Variants in PIP4K2A observed in about 807,000 individuals in gnomAD.
The protein encoded by PIP4K2A is phosphatidylinositol-5-phosphate 4-kinase type 2 alpha.
Under a neutral mutation model 42.9 loss-of-function variants are expected in PIP4K2A, and 14 were observed. The ratio of observed to expected loss-of-function variants is 0.33; its 90% CI spans 0.22 to 0.51. PIP4K2A has a LOEUF of 0.51. Ranked by LOEUF, PIP4K2A falls within the 20% of genes least tolerant of loss-of-function variation. PIP4K2A has a pLI of 0.97. For missense variants in PIP4K2A, 434 were observed against 519.8 expected, an observed-to-expected ratio of 0.83 and a Z score of 1.61; for synonymous variants, 192 against 192.2, an observed-to-expected ratio of 1.00 and a Z score of 0.01.
intron 1 of PIP4K2A, among the ~76,000 whole-genome samples, chr10:22,649,308 C>T (rs1334044507): frequency 6.6e-6 from 1 of 152,194 alleles, no homozygotes; most frequent in East Asian, 1.9e-4. Flanking sequence ...TATAGATTTT[C>T]CAGCTCCCCA....
intron 7 of PIP4K2A, among the ~76,000 whole-genome samples, chr10:22,547,376 C>T (rs530442787): frequency 8.5e-5 from 13 of 152,326 alleles, no homozygotes; most frequent in Non-Finnish European, 1.3e-4. Context: ...GAGGGCCTGA[C>T]GCCCCAGTCT....
At chr10:22,563,261 A>G (rs1424559742) in intron 6 of PIP4K2A, among the ~76,000 whole-genome samples, 1 of 152,218 alleles carries the variant, frequency 6.6e-6, no homozygotes, top group Non-Finnish European at 1.5e-5. Flanking sequence ...CCACAAAAAG[A>G]AGGCTAGGGC....
intron 3 of PIP4K2A, among the ~76,000 whole-genome samples, chr10:22,593,162 C>A (rs1215346495): frequency 6.6e-6 from 1 of 152,192 alleles, no homozygotes; most frequent in Non-Finnish European, 1.5e-5. Context: ...AAAAGTGGCC[C>A]ATGAGCAAAT....
chr10:22,645,409 T>C (rs1296531253), intron 1 of PIP4K2A, among the ~76,000 whole-genome samples: 1 of 152,000 alleles, frequency 6.6e-6, no homozygotes, highest in Non-Finnish European at 1.5e-5. Flanking sequence ...TAGCCAGCCA[T>C]GGTGGCAGGA....
At chr10:22,565,764 G>A (rs1045041467) in intron 6 of PIP4K2A, among the ~76,000 whole-genome samples, 1 of 152,136 alleles carries the variant, frequency 6.6e-6, no homozygotes, top group Non-Finnish European at 1.5e-5. Context: ...GAGAAATATC[G>A]CTGAATTCTT....
At chr10:22,596,789 A>T (rs1040247841) in intron 3 of PIP4K2A, among the ~76,000 whole-genome samples, 46 of 152,228 alleles carry the variant, frequency 3.0e-4, no homozygotes, top group African/African-American at 1.1e-3. Context: ...CAGAGAGCAG[A>T]AATGACTTGC....
In PIP4K2A at chr10:22,567,913, A is replaced by G. The variant is rs759243253; in HGVS notation, c.640-24T>C. The G allele has an allele frequency of 2.4e-5, 39 of 1,610,308 alleles. No individual in the cohort carries two copies. In the South Asian group the frequency reaches 3.7e-4, roughly 15 times the overall value. ...CCCTGAAACACAAGGCAATAATAAAAACATGCGCATGGGAGGCATTGGGTT... is the reference window on the plus strand; with the variant it reads ...CCCTGAAACACAAGGCAATAATAAAGACATGCGCATGGGAGGCATTGGGTT... On this transcript the variant is annotated intron_variant, in intron 5 of 9. Transcript: ENST00000376573.
chr10:22,580,843 C>T (rs1837257823), intron 4 of PIP4K2A, among the ~76,000 whole-genome samples: 2 of 152,200 alleles, frequency 1.3e-5, no homozygotes, highest in Admixed American at 6.5e-5. Context: ...GTCATCAACA[C>T]AGTTGTCCCT....
intron 9 of PIP4K2A, 129 bp downstream of exon 9, chr10:22,539,842 C>A: frequency 1.4e-6 from 1 of 713,796 alleles, no homozygotes; most frequent in East Asian, 2.5e-5. Context: ...AGCTCAGTGG[C>A]AGAAAGGAGT....
At chr10:22,666,320 C>T (rs774340134) in intron 1 of PIP4K2A, among the ~76,000 whole-genome samples, 2 of 152,108 alleles carry the variant, frequency 1.3e-5, no homozygotes, top group Non-Finnish European at 2.9e-5. Context: ...GATTATCAAC[C>T]AGTTTTTATG....
intron 1 of PIP4K2A, among the ~76,000 whole-genome samples, chr10:22,629,626 G>A (rs1057429923): frequency 6.6e-6 from 1 of 152,140 alleles, no homozygotes; most frequent in African/African-American, 2.4e-5. Context: ...TTTCCACTGA[G>A]GAGGTAGAGC....
At chr10:22,644,610 C>A (rs964481256) in intron 1 of PIP4K2A, among the ~76,000 whole-genome samples, 2 of 152,194 alleles carry the variant, frequency 1.3e-5, no homozygotes, top group Non-Finnish European at 2.9e-5. Flanking sequence ...CCTCACCACC[C>A]TATCCAGATG....
Position 22,570,624 on chromosome 10 carries a change from T to C in PIP4K2A, c.639+2687A>G, listed in dbSNP as rs111247081. ...CCCAGACCATTTCCTTCACTTAGAC[T>C]AGCATTTCTCTAAGCATGGTTCAGA... On this transcript the variant is annotated intron_variant, in intron 5 of 9. Transcript: ENST00000376573. Among the ~76,000 whole-genome samples the C allele has an allele frequency of 1.4e-4, 22 of 152,332 alleles. 1 individual carries two copies. Among genetic ancestry groups the C allele is most frequent in the African/African-American group, 5.3e-4 (22 of 41,580 alleles).
At chr10:22,646,701 A>C (rs1838891424) in intron 1 of PIP4K2A, among the ~76,000 whole-genome samples, 1 of 152,196 alleles carries the variant, frequency 6.6e-6, no homozygotes, top group African/African-American at 2.4e-5. Flanking sequence ...CCCTTTCTGA[A>C]GGCAAGCCAA....
At chr10:22,691,390 CT>C (rs1369410927) in intron 1 of PIP4K2A, among the ~76,000 whole-genome samples, 1 of 152,138 alleles carries the variant, frequency 6.6e-6, no homozygotes, top group Non-Finnish European at 1.5e-5. Flanking sequence ...ACTCTTGCCC[CT>C]TCTCCTCCTC....
intron 1 of PIP4K2A, among the ~76,000 whole-genome samples, chr10:22,705,426 T>TAAAAA (rs150254345): frequency 1.0e-4 from 3 of 29,276 alleles, no homozygotes; most frequent in African/African-American, 1.5e-4. Context: ...GTACCCCAGT[T>TAAAAA]AAAAAAAAAA....
chr10:22,538,434 A>G (rs976502277), intron 9 of PIP4K2A, among the ~76,000 whole-genome samples: 1 of 152,246 alleles, frequency 6.6e-6, no homozygotes, highest in African/African-American at 2.4e-5. Context: ...ACAGACATTT[A>G]CAAAGCATTT....
chr10:22,677,150 T>C (rs1839575408), intron 1 of PIP4K2A, among the ~76,000 whole-genome samples: 1 of 152,202 alleles, frequency 6.6e-6, no homozygotes, highest in Admixed American at 6.5e-5. Context: ...TGTACATGTT[T>C]GCATCACCTG....
chr10:22,574,889 G>C (rs889579364), intron 4 of PIP4K2A, among the ~76,000 whole-genome samples: 8 of 152,132 alleles, frequency 5.3e-5, no homozygotes, highest in Non-Finnish European at 8.8e-5. Context: ...AATGAAAAGG[G>C]GTTCTTGGCC....
Sources: gnomAD v4.1 joint callset for allele counts (sites outside exome capture counted in the v4.1 genomes callset) on GRCh38, gnomAD v4.1.1 for gene constraint, MANE v1.5 for transcripts, NCBI Gene and HGNC (gene_info 2026-07-23, HGNC 2026-07-21) for gene names.